The following SLC35F1 variants were observed in gnomAD, a reference collection of about 807,000 sequenced individuals.
SLC35F1 encodes the protein chromosome 6 open reading frame 169.
A neutral mutation model predicts 48.7 loss-of-function variants in SLC35F1; 14 were observed. The observed-to-expected ratio is 0.29, with a 90% CI of 0.19 to 0.45. SLC35F1 has a LOEUF of 0.45. SLC35F1 is among the 20% of genes least tolerant of loss of function. The pLI is 1.00. For missense variants in SLC35F1, 404 were observed against 500.0 expected, an observed-to-expected ratio of 0.81 and a Z score of 1.83; for synonymous variants, 190 against 202.2, an observed-to-expected ratio of 0.94 and a Z score of 0.51.
chr6:118,018,992 C>A (rs1391729020), intron 1 of SLC35F1, among the ~76,000 whole-genome samples: 1 of 152,090 alleles, frequency 6.6e-6, no homozygotes, highest in Non-Finnish European at 1.5e-5. Flanking sequence ...AATTTGAGCT[C>A]TTTAAGTTGA....
intron 2 of SLC35F1, among the ~76,000 whole-genome samples, chr6:118,174,641 G>C (rs777480725): frequency 6.6e-6 from 1 of 152,002 alleles, no homozygotes; most frequent in Non-Finnish European, 1.5e-5. Flanking sequence ...TATTTGAAGG[G>C]ATAATAGCTG....
In SLC35F1 at chr6:118,317,388, T is replaced by C. The variant is rs1776451201; in HGVS notation, c.*3136T>C. ...TTAACCTTTTGACAAGCGTGTAGTA[T>C]TGTTTGTTTTGGGTTTCTTTTTGAT... is the stretch of plus-strand genomic sequence containing the variant. On this transcript the variant is annotated 3_prime_UTR_variant, in exon 8 of 8. Coordinates refer to ENST00000360388, the MANE Select transcript of SLC35F1 (RefSeq NM_001029858.4). The C allele has an allele frequency of 6.6e-6, 1 of 152,244 alleles. No individual in the cohort carries two copies. Among genetic ancestry groups the C allele is most frequent in the Non-Finnish European group, 1.5e-5 (1 of 68,042 alleles). 9.4% of individuals were successfully genotyped at this position (152,244 alleles called of 1,614,324 possible). A position where few individuals can be genotyped will look rare whatever the true frequency, so the allele number is the denominator to read the frequency against.
intron 1 of SLC35F1, among the ~76,000 whole-genome samples, chr6:118,029,327 A>G (rs1489696347): frequency 6.6e-6 from 1 of 152,148 alleles, no homozygotes; most frequent in Non-Finnish European, 1.5e-5. Flanking sequence ...ACAGTCTACC[A>G]TGGTTGTAAA....
intron 7 of SLC35F1, among the ~76,000 whole-genome samples, chr6:118,312,861 A>T (rs1776386830): frequency 6.6e-6 from 1 of 151,930 alleles, no homozygotes; most frequent in South Asian, 2.1e-4. Context: ...CTTCCAATTA[A>T]TTTTTGTCTT....
intron 3 of SLC35F1, among the ~76,000 whole-genome samples, chr6:118,250,273 T>C (rs1775556799): frequency 6.6e-6 from 1 of 152,192 alleles, no homozygotes; most frequent in South Asian, 2.1e-4. Context: ...TTTACTTAAT[T>C]GGCTGTCTTG....
intron 1 of SLC35F1, among the ~76,000 whole-genome samples, chr6:118,016,105 C>G (rs1255483202): frequency 6.6e-6 from 1 of 152,214 alleles, no homozygotes; most frequent in African/African-American, 2.4e-5. Flanking sequence ...CACCCATTCT[C>G]TAGTTTTCTT....
At chr6:118,303,096 C>T (rs1776273419) in intron 7 of SLC35F1, among the ~76,000 whole-genome samples, 1 of 151,932 alleles carries the variant, frequency 6.6e-6, no homozygotes, top group African/African-American at 2.4e-5. Context: ...GTCTTTCTTG[C>T]CACCACCAGG....
At chr6:118,267,226 A>T (rs1775785201) in intron 4 of SLC35F1, 72 bp downstream of exon 4, 5 of 1,564,856 alleles carry the variant, frequency 3.2e-6, no homozygotes, top group Non-Finnish European at 4.4e-6. Flanking sequence ...GAATGTTCAT[A>T]GTTGGGTGAA....
At chr6:118,010,652 T>C (rs1777231458) in intron 1 of SLC35F1, among the ~76,000 whole-genome samples, 1 of 152,194 alleles carries the variant, frequency 6.6e-6, no homozygotes, top group Admixed American at 6.5e-5. Context: ...TTGTATAAAA[T>C]GTATGTTATG....
At chr6:118,144,845 C>A (rs1773948522) in intron 1 of SLC35F1, among the ~76,000 whole-genome samples, 1 of 152,030 alleles carries the variant, frequency 6.6e-6, no homozygotes, top group African/African-American at 2.4e-5. Flanking sequence ...ACATTCAAAT[C>A]TTTCTTGTTT....
intron 7 of SLC35F1, among the ~76,000 whole-genome samples, chr6:118,299,656 G>A (rs568438265): frequency 1.3e-5 from 2 of 152,256 alleles, no homozygotes; most frequent in East Asian, 1.9e-4. Flanking sequence ...ATTGTAATGC[G>A]AAGTAAAAAT....
At chr6:118,268,710 A>G (rs912906320) in intron 4 of SLC35F1, among the ~76,000 whole-genome samples, 2 of 148,444 alleles carry the variant, frequency 1.3e-5, no homozygotes, top group African/African-American at 5.0e-5. Flanking sequence ...CCCGGGTTCA[A>G]GTGATTCCCC....
At chr6:118,006,901 G>A (rs1023960919) in intron 1 of SLC35F1, among the ~76,000 whole-genome samples, 2 of 151,974 alleles carry the variant, frequency 1.3e-5, no homozygotes, top group African/African-American at 2.4e-5. Flanking sequence ...CTACATGTGT[G>A]TAAATGTTAA....
At chr6:118,290,209 T>G (rs911165892) in intron 7 of SLC35F1, among the ~76,000 whole-genome samples, 54 of 119,374 alleles carry the variant, frequency 4.5e-4, no homozygotes, top group Non-Finnish European at 7.6e-4. Flanking sequence ...TATTTCAGTG[T>G]TTTTTTTTTC....
intron 3 of SLC35F1, among the ~76,000 whole-genome samples, chr6:118,237,147 T>A (rs1775376240): frequency 6.6e-6 from 1 of 152,196 alleles, no homozygotes. Flanking sequence ...TTAAGGACCT[T>A]GAAAGCAAGA....
At chr6:118,191,704 T>C (rs1774736128) in intron 2 of SLC35F1, among the ~76,000 whole-genome samples, 1 of 152,208 alleles carries the variant, frequency 6.6e-6, no homozygotes, top group South Asian at 2.1e-4. Context: ...AACCTTTCTT[T>C]ACCTGGTGAA....
At chr6:117,984,687 G>T (rs189928571) in intron 1 of SLC35F1, among the ~76,000 whole-genome samples, 89 of 152,142 alleles carry the variant, frequency 5.8e-4, no homozygotes, top group African/African-American at 2.1e-3. Flanking sequence ...TTTACTGTCT[G>T]GTCCTGCACA....
chr6:118,188,860 A>G (rs1420824259), intron 2 of SLC35F1, among the ~76,000 whole-genome samples: 3 of 152,072 alleles, frequency 2.0e-5, no homozygotes, highest in Non-Finnish European at 4.4e-5. Context: ...GTCATATGAT[A>G]GTTTTATTTC....
chr6:118,077,556 G>A (rs1772840617), intron 1 of SLC35F1, among the ~76,000 whole-genome samples: 2 of 152,144 alleles, frequency 1.3e-5, no homozygotes, highest in Admixed American at 1.3e-4. Flanking sequence ...CTTACAGTAA[G>A]ACTTTGGGGG....
Sources: allele counts gnomAD v4.1 joint callset (sites outside exome capture counted in the v4.1 genomes callset), GRCh38; gene constraint gnomAD v4.1.1; transcripts MANE v1.5; gene names NCBI Gene and HGNC (gene_info 2026-07-23, HGNC 2026-07-21).